ESRRG: variants seen among roughly 807,000 people sequenced by gnomAD.
ESRRG encodes the protein estrogen related receptor gamma, also known as estrogen-related receptor gamma.
Under a neutral mutation model 44.0 loss-of-function variants are expected in ESRRG, and 13 were observed. The observed-to-expected ratio is 0.30, with a 90% CI of 0.19 to 0.47. ESRRG has a LOEUF of 0.47. Ranked by LOEUF, ESRRG falls within the 20% of genes least tolerant of loss-of-function variation. The pLI is 1.00. For missense variants in ESRRG, 395 were observed against 580.6 expected, an observed-to-expected ratio of 0.68 and a Z score of 3.29; for synonymous variants, 215 against 214.6, an observed-to-expected ratio of 1.00 and a Z score of -0.02.
Position 217,075,420 on chromosome 1 carries a change from T to A in ESRRG, c.-106+14087A>T, listed in dbSNP as rs10157683. Among the ~76,000 whole-genome samples, 536 of 152,306 alleles carry A rather than the reference T, an allele frequency of 3.5e-3. 4 individuals carry two copies. The highest frequency in any genetic ancestry group is 0.012 in the African/African-American group (509 of 41,570). Reference sequence around the variant, plus strand: ...CCAGAGCAAAACCCCAACCCATGTCTGACTCTGAATATTATGCTTCATAAT... The same window carrying A: ...CCAGAGCAAAACCCCAACCCATGTCAGACTCTGAATATTATGCTTCATAAT... On this transcript the variant is annotated intron_variant, in intron 1 of 7. Coordinates refer to the ESRRG transcript ENST00000359162.
chr1:217,079,756 C>A (rs1183410330), intron 1 of ESRRG, among the ~76,000 whole-genome samples: 1 of 152,222 alleles, frequency 6.6e-6, no homozygotes, highest in African/African-American at 2.4e-5. Context: ...CATGCATTTA[C>A]AAACATTTAC....
intron 6 of ESRRG, among the ~76,000 whole-genome samples, chr1:216,513,271 A>G (rs535708253): frequency 6.6e-6 from 1 of 152,298 alleles, no homozygotes; most frequent in South Asian, 2.1e-4. Flanking sequence ...GTAATGAATC[A>G]AGCAGAATTC....
At chr1:216,713,192 A>T (rs1445329772) in intron 1 of ESRRG, among the ~76,000 whole-genome samples, 1 of 152,234 alleles carries the variant, frequency 6.6e-6, no homozygotes, top group Non-Finnish European at 1.5e-5. Flanking sequence ...GCGTCAAATT[A>T]CAAAGAAGAG....
chr1:216,576,570 G>A (rs981244205), intron 3 of ESRRG, among the ~76,000 whole-genome samples: 1 of 152,010 alleles, frequency 6.6e-6, no homozygotes, highest in Non-Finnish European at 1.5e-5. Flanking sequence ...GTGGATTTCT[G>A]TGCATAGGAC....
At position 216,802,697 on chromosome 1, in the gene ESRRG, T is replaced by C. The variant is rs114787954; in HGVS notation, c.-13-125206A>G. 4.1e-3 allele frequency among the ~76,000 whole-genome samples: 628 copies of C among 152,250 alleles called. 4 individuals carry two copies. Among genetic ancestry groups the C allele is most frequent in the African/African-American group, 0.014 (591 of 41,558 alleles). ...TTAGACAGAAAATTTCAGATGTTTA[T>C]GCCCATCCTTTACTACCCCAGTTAA... On this transcript the variant is annotated intron_variant, in intron 2 of 7. Coordinates refer to the ESRRG transcript ENST00000359162.
At chr1:216,892,237 A>G (rs567980497) in intron 2 of ESRRG, among the ~76,000 whole-genome samples, 2 of 152,332 alleles carry the variant, frequency 1.3e-5, no homozygotes, top group South Asian at 4.1e-4. Context: ...ATTAGAACAT[A>G]ATGTTAAACT....
At chr1:217,096,944 T>C (rs1047572849) in intron 1 of ESRRG, among the ~76,000 whole-genome samples, 2 of 151,994 alleles carry the variant, frequency 1.3e-5, no homozygotes, top group African/African-American at 4.8e-5. Context: ...AATTGGAAAA[T>C]GGAAAAAAGC....
At chr1:216,889,724 G>A (rs569057724) in intron 2 of ESRRG, among the ~76,000 whole-genome samples, 1 of 152,180 alleles carries the variant, frequency 6.6e-6, no homozygotes, top group African/African-American at 2.4e-5. Context: ...TTCTCAGTGG[G>A]TAGGACATCT....
intron 2 of ESRRG, among the ~76,000 whole-genome samples, chr1:216,736,989 G>A (rs2090032883): frequency 6.6e-6 from 1 of 152,034 alleles, no homozygotes. Context: ...TCCACCCCCA[G>A]CCCCTACGTT....
chr1:216,873,356 C>G (rs962889535), intron 2 of ESRRG, among the ~76,000 whole-genome samples: 1 of 151,774 alleles, frequency 6.6e-6, no homozygotes. Context: ...GGATTACAGG[C>G]GCCAGCCAGC....
intron 2 of ESRRG, among the ~76,000 whole-genome samples, chr1:216,851,269 A>G (rs527602142): frequency 6.6e-6 from 1 of 152,216 alleles, no homozygotes; most frequent in East Asian, 1.9e-4. Flanking sequence ...GCTTTGAGTC[A>G]GCAGACCTGA....
At chr1:217,023,155 T>C (rs1176947650) in intron 1 of ESRRG, among the ~76,000 whole-genome samples, 1 of 152,196 alleles carries the variant, frequency 6.6e-6, no homozygotes, top group Non-Finnish European at 1.5e-5. Flanking sequence ...AAATGTACAC[T>C]AACTTAAACA....
chr1:216,800,603 T>C (rs1422703804), intron 2 of ESRRG, among the ~76,000 whole-genome samples: 1 of 152,172 alleles, frequency 6.6e-6, no homozygotes, highest in African/African-American at 2.4e-5. Flanking sequence ...CAAATTGAAA[T>C]AACAAGGCAG....
At chr1:216,540,288 G>T (rs553280337) in intron 5 of ESRRG, among the ~76,000 whole-genome samples, 1 of 152,018 alleles carries the variant, frequency 6.6e-6, no homozygotes, top group African/African-American at 2.4e-5. Context: ...TGCAGAAAAA[G>T]ATTCTATAGA....
chr1:216,598,681 G>C (rs1409077071), intron 3 of ESRRG, among the ~76,000 whole-genome samples: 1 of 152,048 alleles, frequency 6.6e-6, no homozygotes, highest in African/African-American at 2.4e-5. Context: ...GCAAGTCAGT[G>C]AAATATGCTT....
intron 1 of ESRRG, among the ~76,000 whole-genome samples, chr1:216,947,814 TC>T (rs1438200456): frequency 3.3e-5 from 5 of 152,132 alleles, no homozygotes; most frequent in Non-Finnish European, 5.9e-5. Flanking sequence ...CTAACCATAT[TC>T]CAGCCACTCT....
chr1:216,667,877 A>G (rs1269447103), intron 2 of ESRRG, among the ~76,000 whole-genome samples: 1 of 151,780 alleles, frequency 6.6e-6, no homozygotes, highest in Non-Finnish European at 1.5e-5. Flanking sequence ...AGGTGGATCA[A>G]CTGAGGTCAG....
intron 2 of ESRRG, among the ~76,000 whole-genome samples, chr1:216,878,194 T>C (rs2096387024): frequency 6.6e-6 from 1 of 152,218 alleles, no homozygotes; most frequent in Admixed American, 6.5e-5. Flanking sequence ...GCCCTAACTA[T>C]GCCAGCTATT....
At chr1:216,569,158 GAGGGAAGGGAAGGGAAGGGA>G (rs1287968465) in intron 3 of ESRRG, among the ~76,000 whole-genome samples, 4 of 48,946 alleles carry the variant, frequency 8.2e-5, no homozygotes, top group Admixed American at 2.3e-4. Context: ...AGTGGAAGAG[GAGGGAAGGGAAGGGAAGGGA>G]AGGGAAGGGA....
Sources: allele counts gnomAD v4.1 joint callset (sites outside exome capture counted in the v4.1 genomes callset), GRCh38; gene constraint gnomAD v4.1.1; transcripts MANE v1.5; gene names NCBI Gene and HGNC (gene_info 2026-07-23, HGNC 2026-07-21).